Variants in SLC22A4 observed in about 807,000 individuals in gnomAD.
SLC22A4 encodes ET transporter.
SLC22A4 carries 39 observed loss-of-function variants against 56.6 expected under a neutral mutation model. The observed-to-expected ratio is 0.69, with a 90% confidence interval of 0.53 to 0.90. SLC22A4 has a LOEUF of 0.90. SLC22A4 is among the 40% of genes least tolerant of loss of function. The probability of loss-of-function intolerance (pLI) is 0.00; values close to 1 mark genes in which losing one functional copy is unlikely to be tolerated. For missense variants in SLC22A4, 594 were observed against 696.5 expected, an observed-to-expected ratio of 0.85 and a Z score of 1.66; for synonymous variants, 241 against 281.4, an observed-to-expected ratio of 0.86 and a Z score of 1.44.
rs1231583495 is a variant in SLC22A4 at position 132,331,747 on chromosome 5, T to C, written c.952-9T>C. 1 of 1,595,988 alleles carries C rather than the reference T, an allele frequency of 6.3e-7. No individual in the cohort carries two copies. The highest frequency in any genetic ancestry group is 1.3e-5 in the African/African-American group (1 of 74,560). On this transcript the variant is annotated splice_polypyrimidine_tract_variant and intron_variant, in intron 5 of 9. Coordinates refer to ENST00000200652, the MANE Select transcript of SLC22A4 (RefSeq NM_003059.3). ...AATCTCATGGTTATTTGCATTATTT[T>C]GGTTACAGGAGCTAAATCCCCTGAA...
At chr5:132,342,990 G>A (rs1406441315) in intron 9 of SLC22A4, among the ~76,000 whole-genome samples, 1 of 152,182 alleles carries the variant, frequency 6.6e-6, no homozygotes, top group East Asian at 1.9e-4. Context: ...TCCAGGCTTA[G>A]TCTTCTGGTG....
rs777364340 is a variant in SLC22A4 at position 132,313,723 on chromosome 5, G to A, written c.607G>A (p.Val203Met). 11 of 1,614,084 alleles carry A rather than the reference G, an allele frequency of 6.8e-6. No homozygotes were observed. Among genetic ancestry groups the A allele is most frequent in the African/African-American group, 6.7e-5 (5 of 74,930 alleles). Reference protein sequence around the residue: ...WEMFTVLFVIVGMGQISNYVV... With the variant: ...WEMFTVLFVIMGMGQISNYVV... ...GATGTTCACTGTGTTATTTGTCATC[G>A]TGGGCATGGGCCAGATCTCCAACTA... The change falls in exon 3 of 10, where the codon GTG (valine) becomes ATG (methionine). Residue 203 changes from valine (V) to methionine (M), a missense_variant. Physicochemically the swap from Val to Met is conservative, Grantham distance 21. Coordinates refer to ENST00000200652, the MANE Select transcript of SLC22A4 (RefSeq NM_003059.3).
intron 1 of SLC22A4, among the ~76,000 whole-genome samples, chr5:132,301,391 C>T (rs1261830783): frequency 1.3e-5 from 2 of 152,234 alleles, no homozygotes; most frequent in Non-Finnish European, 2.9e-5. Flanking sequence ...GCTGCCACAC[C>T]GTAGATCCTC....
At chr5:132,325,603 G>T (rs1462518562) in intron 4 of SLC22A4, among the ~76,000 whole-genome samples, 1 of 152,204 alleles carries the variant, frequency 6.6e-6, no homozygotes, top group Non-Finnish European at 1.5e-5. Flanking sequence ...CCTAGTGTGG[G>T]TTTGGGGCCA....
chr5:132,309,875 T>C (rs1426201388), intron 1 of SLC22A4, among the ~76,000 whole-genome samples: 2 of 152,266 alleles, frequency 1.3e-5, no homozygotes, highest in African/African-American at 2.4e-5. Context: ...TATCCTGCCC[T>C]AAGGCAAAGT....
intron 1 of SLC22A4, among the ~76,000 whole-genome samples, chr5:132,311,110 A>C (rs565479367): frequency 1.3e-5 from 2 of 152,314 alleles, no homozygotes; most frequent in African/African-American, 4.8e-5. Context: ...TAAATCCACC[A>C]CACTTTCAAG....
chr5:132,329,357 C>T (rs1033808035), intron 5 of SLC22A4, among the ~76,000 whole-genome samples: 13 of 152,032 alleles, frequency 8.6e-5, no homozygotes, highest in African/African-American at 2.9e-4. Context: ...GCTCACCTCC[C>T]GTAGGATCCT....
In SLC22A4 at chr5:132,295,325, G is replaced by C. The variant is rs906994913; in HGVS notation, c.393+316G>C. ...TGCGTTGGGGGAAGCGCAGCCCCAGGCTACCCAGACGCACTGCCTGAGTCA... is the reference window on the plus strand; with the variant it reads ...TGCGTTGGGGGAAGCGCAGCCCCAGCCTACCCAGACGCACTGCCTGAGTCA... On this transcript the variant is annotated intron_variant, in intron 1 of 9. Transcript: ENST00000200652. The C allele has an allele frequency of 9.4e-5, 55 of 586,666 alleles. No individual in the cohort carries two copies. In the Admixed American group the frequency reaches 1.2e-3, roughly 12 times the overall value. The allele number at this position is 586,666 out of a possible 1,614,324, so 36.3% of individuals were successfully genotyped here.
chr5:132,319,314 A>G lies in SLC22A4; in HGVS notation c.653-2870A>G, dbSNP rs201371471. Among the ~76,000 whole-genome samples, 129 of 145,558 alleles carry G rather than the reference A, an allele frequency of 8.9e-4. 2 individuals carry two copies. The East Asian group carries it at 0.019, about 22-fold the overall frequency. Reference sequence around the variant, plus strand: ...ACAAGTCTGTCTCAAAAAAAAAAAAAAAAAGAAAAAAAAGAAAAACTGTAA... The same window carrying G: ...ACAAGTCTGTCTCAAAAAAAAAAAAGAAAAGAAAAAAAAGAAAAACTGTAA... On this transcript the variant is annotated intron_variant, in intron 3 of 9. Transcript: ENST00000200652.
chr5:132,294,967 G>A lies in SLC22A4; in HGVS notation c.351G>A (p.Trp117Ter). ...QLEQESCLDG[W>*]EFSQDVYLST... ...AGCAGGAGAGCTGCCTGGATGGCTG[G>A]GAGTTCAGCCAGGACGTCTACCTGT... Residue 117 changes from tryptophan (W) to a stop codon, truncating the protein, a stop_gained, in exon 1 of 10, where the codon TGG becomes TGA. Transcript: ENST00000200652. LOFTEE classifies it high-confidence loss of function. This position sits in a 1 kb window ranked among gnomAD's most constrained non-coding sequence, Gnocchi z 5.6. The A allele has an allele frequency of 3.1e-6, 5 of 1,607,132 alleles. No homozygotes were observed. Among genetic ancestry groups the A allele is most frequent in the Non-Finnish European group, 4.2e-6 (5 of 1,177,430 alleles).
At chr5:132,298,460 G>A (rs1004729377) in intron 1 of SLC22A4, among the ~76,000 whole-genome samples, 14 of 152,232 alleles carry the variant, frequency 9.2e-5, no homozygotes, top group African/African-American at 3.1e-4. Flanking sequence ...GGGACTGGAA[G>A]AAGGAAGGAG....
At chr5:132,297,644 T>G (rs1211331966) in intron 1 of SLC22A4, among the ~76,000 whole-genome samples, 3 of 151,966 alleles carry the variant, frequency 2.0e-5, no homozygotes, top group African/African-American at 7.3e-5. Flanking sequence ...AGGTACCACT[T>G]TGTACCCTTA....
Position 132,322,213 on chromosome 5 carries a change from A to G in SLC22A4, c.682A>G (p.Ile228Val). Residue 228 changes from isoleucine to valine, a missense_variant, in exon 4 of 10, where the codon ATT (isoleucine) becomes GTT (valine). Physicochemically the swap from Ile to Val is conservative, Grantham distance 29. Coordinates refer to ENST00000200652, the MANE Select transcript of SLC22A4 (RefSeq NM_003059.3). ...AGAAATTCTTGGCAAGTCAGTTCGT[A>G]TTATATTCTCTACATTAGGAGTGTG... ...GTEILGKSVRIIFSTLGVCTF... is the reference protein window; with the variant it reads ...GTEILGKSVRVIFSTLGVCTF... The G allele has an allele frequency of 6.2e-7, 1 of 1,611,998 alleles. No individual in the cohort carries two copies. The highest frequency in any genetic ancestry group is 8.5e-7 in the Non-Finnish European group (1 of 1,178,702).
At position 132,312,190 on chromosome 5, in the gene SLC22A4, G is replaced by A. The variant is rs775350544; in HGVS notation, c.423G>A (p.Lys141=). 2.5e-6 allele frequency: 4 copies of A among 1,612,906 alleles called. No homozygotes were observed. The highest frequency in any genetic ancestry group is 3.4e-6 in the Non-Finnish European group (4 of 1,178,864). ...ATCTGGTGTGTGAGGACAACTGGAAGGTGCCCCTCACCACCTCCCTGTTCT... is the reference window on the plus strand; with the variant it reads ...ATCTGGTGTGTGAGGACAACTGGAAAGTGCCCCTCACCACCTCCCTGTTCT... ...EWNLVCEDNW[K]VPLTTSLFFV... is the part of the protein sequence containing the mutation. The change falls in exon 2 of 10, where the codon AAG becomes AAA. Residue 141 remains lysine, a synonymous_variant. Transcript: ENST00000200652.
Position 132,344,074 on chromosome 5 carries a change from A to G in SLC22A4, c.*239A>G, listed in dbSNP as rs949274467. 1.0e-5 allele frequency: 5 copies of G among 480,846 alleles called. No individual in the cohort carries two copies. Among genetic ancestry groups the G allele is most frequent in the Admixed American group, 3.8e-5 (1 of 26,094 alleles). 29.8% of individuals were successfully genotyped at this position (480,846 alleles called of 1,614,324 possible). A position where few individuals can be genotyped will look rare whatever the true frequency, so the allele number is the denominator to read the frequency against. On this transcript the variant is annotated 3_prime_UTR_variant, in exon 10 of 10. Coordinates refer to ENST00000200652, the MANE Select transcript of SLC22A4 (RefSeq NM_003059.3). ...CATTAATTCAATGAAATGGATTGGTAAGATGTCTTGAAAACATGTTAGTCA... is the reference window on the plus strand; with the variant it reads ...CATTAATTCAATGAAATGGATTGGTGAGATGTCTTGAAAACATGTTAGTCA...
intron 1 of SLC22A4, among the ~76,000 whole-genome samples, chr5:132,310,802 A>G (rs1750160806): frequency 6.6e-6 from 1 of 152,144 alleles, no homozygotes; most frequent in South Asian, 2.1e-4. Flanking sequence ...ATTCAGAACA[A>G]CTGTGCTTCT....
chr5:132,330,911 T>C (rs1051646699), intron 5 of SLC22A4, among the ~76,000 whole-genome samples: 1 of 152,160 alleles, frequency 6.6e-6, no homozygotes, highest in African/African-American at 2.4e-5. Context: ...GCTATATATA[T>C]ATGATCTCAT....
At chr5:132,324,547 C>A (rs1750634518) in intron 4 of SLC22A4, 1 of 471,206 alleles carries the variant, frequency 2.1e-6, no homozygotes, top group South Asian at 1.5e-5. Context: ...GGGACCAGCA[C>A]TGACAAGCTG....
In SLC22A4 at chr5:132,343,962, A is replaced by G. The variant is rs1751292201; in HGVS notation, c.*127A>G. ...CCAAAATGAACCTTGCTATCAAGAA[A>G]TGCTCGTCATACAGTAAACTCTGGA... On this transcript the variant is annotated 3_prime_UTR_variant, in exon 10 of 10. Transcript: ENST00000200652. The G allele has an allele frequency of 6.2e-6, 4 of 646,982 alleles. No homozygotes were observed. The South Asian group carries it at 7.8e-5, about 13-fold the overall frequency. The allele number at this position is 646,982 out of a possible 1,614,324, so 40.1% of individuals were successfully genotyped here.
Sources: allele counts gnomAD v4.1 joint callset (sites outside exome capture counted in the v4.1 genomes callset), GRCh38; gene constraint gnomAD v4.1.1; non-coding constraint Gnocchi (gnomAD v3.1); transcripts MANE v1.5; gene names NCBI Gene and HGNC (gene_info 2026-07-23, HGNC 2026-07-21).